NADSYN1: variants seen among roughly 807,000 people sequenced by gnomAD.
NADSYN1 encodes glutamine-dependent NAD(+) synthetase.
In NADSYN1, 80 loss-of-function variants were observed where a neutral mutation model predicts 99.3. That is an observed-to-expected ratio of 0.81 (90% CI 0.67 to 0.97). The LOEUF (loss-of-function observed/expected upper bound fraction) is 0.97. Ranked by LOEUF, NADSYN1 falls within the 50% of genes least tolerant of loss-of-function variation. The pLI, the probability that NADSYN1 is intolerant of heterozygous loss-of-function variation, is 0.00. For missense variants in NADSYN1, 859 were observed against 948.5 expected, an observed-to-expected ratio of 0.91 and a Z score of 1.24; for synonymous variants, 385 against 372.1, an observed-to-expected ratio of 1.03 and a Z score of -0.40.
Position 71,497,534 on chromosome 11 carries a change from A to G in NADSYN1, c.1816A>G (p.Lys606Glu). 6.2e-7 allele frequency: 1 copy of G among 1,614,168 alleles called. No homozygotes were observed. Among genetic ancestry groups the G allele is most frequent in the Non-Finnish European group, 8.5e-7 (1 of 1,180,030 alleles). ...AELSVYGKLR[K>E]VAKMGPYSMF... ...GCTCTCGGTCTATGGGAAACTCAGG[A>G]AGGTGGCCAAGATGGGGCCCTACAG... Residue 606 changes from lysine to glutamate, a missense_variant, in exon 19 of 21, where the codon AAG (lysine) becomes GAG (glutamate). Physicochemically the swap from Lys to Glu is moderately conservative, Grantham distance 56. Transcript: ENST00000319023.
At chr11:71,482,799 A>G in intron 13 of NADSYN1, 50 bp from the exon 14 acceptor site, 1 of 1,597,558 alleles carries the variant, frequency 6.3e-7, no homozygotes, top group Non-Finnish European at 8.5e-7. Flanking sequence ...CTATGTAAAC[A>G]TCCCACACAC....
At chr11:71,476,727 C>T (rs1949669064) in intron 9 of NADSYN1, 1 of 985,828 alleles carries the variant, frequency 1.0e-6, no homozygotes, top group African/African-American at 1.7e-5. Context: ...CCGTTCACGT[C>T]AGAGCCACAG....
At chr11:71,463,063 G>T (rs564535406) in intron 3 of NADSYN1, among the ~76,000 whole-genome samples, 1 of 152,182 alleles carries the variant, frequency 6.6e-6, no homozygotes, top group African/African-American at 2.4e-5. Flanking sequence ...AGCTCAGGGC[G>T]GACAGGTGCT....
At chr11:71,453,507 G>A (rs1949494057) in intron 1 of NADSYN1, 126 bp downstream of exon 1, 7 of 837,810 alleles carry the variant, frequency 8.4e-6, no homozygotes, top group Non-Finnish European at 1.3e-5. Flanking sequence ...CATGGGATCA[G>A]GTGAGATAAT....
intron 5 of NADSYN1, chr11:71,466,877 C>G (rs1306425480): frequency 2.0e-5 from 3 of 152,124 alleles, no homozygotes; most frequent in African/African-American, 7.2e-5. Flanking sequence ...AACTGGAGAC[C>G]CTGGGACCCT....
In NADSYN1 at chr11:71,464,113, G is replaced by A. The variant is rs371996523; in HGVS notation, c.378G>A (p.Leu126=). The A allele has an allele frequency of 3.7e-6, 6 of 1,611,838 alleles. No individual in the cohort carries two copies. Among genetic ancestry groups the A allele is most frequent in the South Asian group, 1.1e-5 (1 of 90,458 alleles). ...ALANEGNYRE[L]RWFTPWSRSR... is the part of the protein sequence containing the mutation. ...CCAATGAAGGCAACTACCGCGAGCT[G>A]CGCTGGTTCACCCCGTGGTCGAGGA... is the stretch of plus-strand genomic sequence containing the variant. Residue 126 remains leucine, a synonymous_variant, in exon 5 of 21, where the codon CTG becomes CTA. Transcript: ENST00000319023.
intron 5 of NADSYN1, among the ~76,000 whole-genome samples, chr11:71,466,932 G>T (rs1206543582): frequency 6.6e-6 from 1 of 152,128 alleles, no homozygotes; most frequent in Non-Finnish European, 1.5e-5. Flanking sequence ...TACGCCTGGA[G>T]ACCTTGAGTT....
At chr11:71,457,648 G>A (rs12285168) in intron 2 of NADSYN1, among the ~76,000 whole-genome samples, 2,502 of 152,324 alleles carry the variant, frequency 0.016, 77 homozygotes, top group African/African-American at 0.057. Flanking sequence ...GATGGCAGCA[G>A]CGTCTGGCTC....
chr11:71,476,657 G>C (rs939914727), intron 9 of NADSYN1: 1 of 985,866 alleles, frequency 1.0e-6, no homozygotes, highest in Non-Finnish European at 1.2e-6. Context: ...CCGCGACAGA[G>C]CTGGAAGGGC....
chr11:71,473,767 G>A lies in NADSYN1; in HGVS notation c.666+81G>A, dbSNP rs971809107. 4.0e-6 allele frequency: 4 copies of A among 1,009,616 alleles called. No individual in the cohort carries two copies. In the African/African-American group the frequency reaches 4.7e-5, roughly 12 times the overall value. The allele number at this position is 1,009,616 out of a possible 1,614,324, so 62.5% of individuals were successfully genotyped here. On this transcript the variant is annotated intron_variant, in intron 8 of 20. Coordinates refer to ENST00000319023, the MANE Select transcript of NADSYN1 (RefSeq NM_018161.5). ...TCCTGCATCCTCAGTGCCCATCGCA[G>A]GGCTGGGCCCACACACAATGGATGT...
At chr11:71,463,523 G>T (rs202028538) in intron 4 of NADSYN1, 38 bp downstream of exon 4, 32 of 1,590,048 alleles carry the variant, frequency 2.0e-5, no homozygotes, top group Non-Finnish European at 2.6e-5. Flanking sequence ...GGTGACTGGG[G>T]CCTCTCCCTG....
In NADSYN1 at chr11:71,455,199, C is replaced by T. The variant is rs201452880; in HGVS notation, c.146+29C>T. On this transcript the variant is annotated intron_variant, in intron 2 of 20. Transcript: ENST00000319023. ...AGAACAGACACAGACACCCTGGGGTCGTCAGCTAGCGATACCAGCATCAGT... is the reference window on the plus strand; with the variant it reads ...AGAACAGACACAGACACCCTGGGGTTGTCAGCTAGCGATACCAGCATCAGT... 6.6e-4 allele frequency: 1,046 copies of T among 1,574,926 alleles called. 1 individual carries two copies. Among genetic ancestry groups the T allele is most frequent in the Non-Finnish European group, 8.2e-4 (936 of 1,146,324 alleles).
intron 3 of NADSYN1, 82 bp from the exon 4 acceptor site, chr11:71,463,350 T>C: frequency 7.9e-7 from 1 of 1,264,998 alleles, no homozygotes; most frequent in Non-Finnish European, 1.2e-6. Context: ...AATGCATGAT[T>C]CCAGAGCTGC....
intron 14 of NADSYN1, among the ~76,000 whole-genome samples, chr11:71,483,859 G>A (rs1359878861): frequency 2.0e-5 from 3 of 152,226 alleles, no homozygotes; most frequent in Non-Finnish European, 2.9e-5. Context: ...AGTCACCCAC[G>A]AAGAGGAGTG....
intron 15 of NADSYN1, chr11:71,484,762 G>T (rs960507673): frequency 5.8e-6 from 2 of 341,944 alleles, no homozygotes; most frequent in Non-Finnish European, 1.1e-5. Flanking sequence ...AGAGCAAGAG[G>T]GTGTGTCTGA....
At chr11:71,455,315 T>A (rs1949506014) in intron 2 of NADSYN1, 145 bp downstream of exon 2, 2 of 643,638 alleles carry the variant, frequency 3.1e-6, no homozygotes, top group South Asian at 4.1e-5. Flanking sequence ...TTAATGCCAT[T>A]GAACACCTGA....
At chr11:71,454,963 C>A in intron 1 of NADSYN1, 147 bp from the exon 2 acceptor site, 1 of 639,708 alleles carries the variant, frequency 1.6e-6, no homozygotes, top group Non-Finnish European at 2.8e-6. Flanking sequence ...GGAAGCCTGA[C>A]TGCATCCCGT....
intron 19 of NADSYN1, 138 bp downstream of exon 19, chr11:71,497,749 T>G (rs1035191972): frequency 8.5e-7 from 1 of 1,170,694 alleles, no homozygotes; most frequent in Non-Finnish European, 1.2e-6. Context: ...CAGTAACACT[T>G]TTCAGTTATT....
chr11:71,472,743 G>A (rs941041531), intron 6 of NADSYN1, among the ~76,000 whole-genome samples: 7 of 152,210 alleles, frequency 4.6e-5, no homozygotes, highest in African/African-American at 1.7e-4. Flanking sequence ...ACTCACACTG[G>A]CTTCCTCCTC....
Sources: allele counts gnomAD v4.1 joint callset (sites outside exome capture counted in the v4.1 genomes callset), GRCh38; gene constraint gnomAD v4.1.1; transcripts MANE v1.5; gene names NCBI Gene and HGNC (gene_info 2026-07-23, HGNC 2026-07-21).